Variants in EEF2K observed in about 807,000 individuals in gnomAD.
EEF2K encodes the protein eukaryotic elongation factor 2 kinase.
Under a neutral mutation model 93.8 loss-of-function variants are expected in EEF2K, and 70 were observed. The observed-to-expected ratio is 0.75, with a 90% confidence interval of 0.62 to 0.91. The LOEUF is 0.91. Ranked by LOEUF, EEF2K falls within the 40% of genes least tolerant of loss-of-function variation. The pLI, the probability that EEF2K is intolerant of heterozygous loss-of-function variation, is 0.00. For synonymous variants in EEF2K, 376 were observed against 380.8 expected (o/e 0.99, Z 0.15); for missense variants, 935 against 972.9 (o/e 0.96, Z 0.52).
intron 5 of EEF2K, among the ~76,000 whole-genome samples, 186 bp downstream of exon 5, chr16:22,250,877 G>C (rs1458727116): frequency 6.6e-6 from 1 of 152,164 alleles, no homozygotes; most frequent in East Asian, 1.9e-4. Context: ...GATGGGCTCA[G>C]GAAGAACAGG....
intron 2 of EEF2K, among the ~76,000 whole-genome samples, chr16:22,238,515 G>A (rs565036728): frequency 6.6e-6 from 1 of 152,026 alleles, no homozygotes; most frequent in South Asian, 2.1e-4. Context: ...GCATGATGGT[G>A]AGCACCCATA....
At chr16:22,207,340 C>T (rs1242580583) in intron 1 of EEF2K, among the ~76,000 whole-genome samples, 1 of 152,074 alleles carries the variant, frequency 6.6e-6, no homozygotes, top group South Asian at 2.1e-4. Flanking sequence ...GTGAGATCTG[C>T]CCAGGGGGAC....
In EEF2K at chr16:22,286,823, C is replaced by T. The variant is rs889820918; in HGVS notation, c.*2827C>T. 4 of 152,232 alleles carry T rather than the reference C, an allele frequency of 2.6e-5. No individual in the cohort carries two copies. The highest frequency in any genetic ancestry group is 9.7e-5 in the African/African-American group (4 of 41,444). The allele number at this position is 152,232 out of a possible 1,614,324, so 9.4% of individuals were successfully genotyped here. A position where few individuals can be genotyped will look rare whatever the true frequency, so the allele number is the denominator to read the frequency against. On this transcript the variant is annotated 3_prime_UTR_variant, in exon 18 of 18. Coordinates refer to ENST00000263026, the MANE Select transcript of EEF2K (RefSeq NM_013302.5). ...GATGGAGAGCCAGCCCTAGTCAGTG[C>T]ACTCACCCTTTGAGGCTCTGGTTCC...
At chr16:22,266,212 ACT>A (rs1412856211) in intron 13 of EEF2K, among the ~76,000 whole-genome samples, 176 bp from the exon 14 acceptor site, 1 of 148,634 alleles carries the variant, frequency 6.7e-6, no homozygotes, top group East Asian at 2.0e-4. Context: ...ATAGAGTGAG[ACT>A]CTGTCTCAAA....
chr16:22,273,361 C>G (rs1353629818), intron 15 of EEF2K, among the ~76,000 whole-genome samples: 1 of 152,142 alleles, frequency 6.6e-6, no homozygotes, highest in Non-Finnish European at 1.5e-5. Context: ...GTTGCCCTGA[C>G]AATGGTAAAC....
chr16:22,211,661 C>T (rs531150009), intron 1 of EEF2K, among the ~76,000 whole-genome samples: 2 of 152,172 alleles, frequency 1.3e-5, no homozygotes, highest in African/African-American at 2.4e-5. Flanking sequence ...TGGGGTTTCT[C>T]CATGTTGCCC....
At chr16:22,280,063 T>G in intron 16 of EEF2K, 135 bp from the exon 17 acceptor site, 1 of 762,914 alleles carries the variant, frequency 1.3e-6, no homozygotes, top group Non-Finnish European at 1.9e-6. Flanking sequence ...GTATTGGCCT[T>G]GGACAAGATA....
intron 1 of EEF2K, among the ~76,000 whole-genome samples, chr16:22,217,882 G>A (rs1179954009): frequency 6.6e-6 from 1 of 152,162 alleles, no homozygotes; most frequent in East Asian, 1.9e-4. Flanking sequence ...CGCTGGGCTT[G>A]GTAGTTTGGT....
intron 2 of EEF2K, among the ~76,000 whole-genome samples, chr16:22,235,697 C>T (rs1200298804): frequency 6.6e-6 from 1 of 152,134 alleles, no homozygotes; most frequent in Non-Finnish European, 1.5e-5. Context: ...GGGGTTTCTC[C>T]ATGTTGGTCA....
chr16:22,250,654 C>T lies in EEF2K; in HGVS notation c.409C>T (p.Pro137Ser), dbSNP rs2047340584. The part of the protein sequence containing the change: ...DEVLIKMASQ[P>S]FGRGAMRECF... ...TAACACTCTGTGTGGTGTCTTTCAGCCCTTCGGCCGAGGAGCAATGAGGGA... is the reference window on the plus strand; with the variant it reads ...TAACACTCTGTGTGGTGTCTTTCAGTCCTTCGGCCGAGGAGCAATGAGGGA... Residue 137 changes from proline to serine, a missense_variant and splice_region_variant, in exon 5 of 18, where the codon CCC becomes TCC. Physicochemically the swap from Pro to Ser is moderately conservative, Grantham distance 74. Coordinates refer to ENST00000263026, the MANE Select transcript of EEF2K (RefSeq NM_013302.5). 3 of 1,614,076 alleles carry T rather than the reference C, an allele frequency of 1.9e-6. No individual in the cohort carries two copies. The highest frequency in any genetic ancestry group is 3.3e-5 in the Admixed American group (2 of 59,990).
intron 16 of EEF2K, among the ~76,000 whole-genome samples, chr16:22,279,235 T>C (rs2047669551): frequency 1.5e-5 from 2 of 135,568 alleles, no homozygotes; most frequent in South Asian, 2.2e-4. Context: ...ACTTGACTCC[T>C]CTTTTTTTTT....
rs773044439 is a variant in EEF2K, at chr16:22,258,688, C to T, written c.1224C>T (p.Asp408=). ...CCACACCACACAGCCAGAAGCTAGA[C>T]CACCTCCGTGAGTGACGGTTCGGTC... ...SSATPHSQKL[D]HLHWPVFSDL... is the part of the protein sequence containing the mutation. Residue 408 remains aspartate, a synonymous_variant, in exon 10 of 18, where the codon GAC becomes GAT. Transcript: ENST00000263026. The T allele has an allele frequency of 6.2e-7, 1 of 1,614,150 alleles. No homozygotes were observed. Among genetic ancestry groups the T allele is most frequent in the Admixed American group, 1.7e-5 (1 of 60,006 alleles).
chr16:22,263,012 A>G, intron 11 of EEF2K, 98 bp from the exon 12 acceptor site: 1 of 1,113,586 alleles, frequency 9.0e-7, no homozygotes, highest in Non-Finnish European at 1.3e-6. Context: ...GTAATGGGAC[A>G]GAGGGGAGAA....
At chr16:22,254,957 G>C (rs2141672415) in intron 6 of EEF2K, among the ~76,000 whole-genome samples, 1 of 152,238 alleles carries the variant, frequency 6.6e-6, no homozygotes, top group East Asian at 1.9e-4. Context: ...TGTAGTCCCA[G>C]CTACTCAAGA....
chr16:22,239,307 T>G (rs1230128719), intron 2 of EEF2K, among the ~76,000 whole-genome samples: 1 of 152,134 alleles, frequency 6.6e-6, no homozygotes. Context: ...ACGGTCCCTG[T>G]TAGTGGCTTA....
intron 14 of EEF2K, 72 bp from the exon 15 acceptor site, chr16:22,266,616 G>A (rs2047522096): frequency 1.9e-6 from 3 of 1,587,750 alleles, no homozygotes; most frequent in South Asian, 2.3e-5. Flanking sequence ...CCTCCCGCAG[G>A]CTGGCTGGGC....
At position 22,265,639 on chromosome 16, in the gene EEF2K, C is replaced by G. The variant is rs551502968; in HGVS notation, c.1441-751C>G. The stretch of plus-strand genomic sequence containing the variant: ...ACAGGGTTGCTCAAGCAAGGCACTA[C>G]TGGCATTCTGGGCTGAATCGTTCCT... On this transcript the variant is annotated intron_variant, in intron 13 of 17. Transcript: ENST00000263026. Among the ~76,000 whole-genome samples, 269 of 152,370 alleles carry G rather than the reference C, an allele frequency of 1.8e-3. 1 individual carries two copies. Among genetic ancestry groups the G allele is most frequent in the Non-Finnish European group, 3.4e-3 (232 of 68,042 alleles).
rs1275499066 is a variant in EEF2K, at chr16:22,284,985, C to T, written c.*989C>T. The T allele has an allele frequency of 6.6e-6, 1 of 152,508 alleles. No individual in the cohort carries two copies. The highest frequency in any genetic ancestry group is 1.5e-5 in the Non-Finnish European group (1 of 68,016). The allele number at this position is 152,508 out of a possible 1,614,324, so 9.4% of individuals were successfully genotyped here. A position where few individuals can be genotyped will look rare whatever the true frequency, so the allele number is the denominator to read the frequency against. On this transcript the variant is annotated 3_prime_UTR_variant, in exon 18 of 18. Transcript: ENST00000263026. ...TGCTACTGATTTTCTGGCATACAGC[C>T]GAATTCCATCTTTTAAGCATGCTTT...
intron 15 of EEF2K, among the ~76,000 whole-genome samples, chr16:22,272,067 T>G (rs1441640893): frequency 6.6e-6 from 1 of 152,206 alleles, no homozygotes; most frequent in African/African-American, 2.4e-5. Context: ...GCAGTGTTCA[T>G]GTTTTCCACG....
Sources: allele counts gnomAD v4.1 joint callset (sites outside exome capture counted in the v4.1 genomes callset), GRCh38; gene constraint gnomAD v4.1.1; transcripts MANE v1.5; gene names NCBI Gene and HGNC (gene_info 2026-07-23, HGNC 2026-07-21).